LURAP1L: variants seen among roughly 807,000 people sequenced by gnomAD.
LURAP1L encodes the protein leucine rich adaptor protein 1-like.
Under a neutral mutation model 13.8 loss-of-function variants are expected in LURAP1L, and 12 were observed. The observed-to-expected ratio is 0.87, with a 90% confidence interval of 0.56 to 1.41. The LOEUF (loss-of-function observed/expected upper bound fraction) is 1.41, where lower values mean the gene tolerates loss of function less well. LURAP1L is among the 40% of genes most tolerant of loss of function. The probability of loss-of-function intolerance (pLI) is 0.00; values close to 1 mark genes in which losing one functional copy is unlikely to be tolerated. For missense variants in LURAP1L, 375 were observed against 292.9 expected (o/e 1.28, Z -2.04); for synonymous variants, 139 against 119.2 (o/e 1.17, Z -1.08).
chr9:12,813,912 G>A (rs529398613), intron 1 of LURAP1L, among the ~76,000 whole-genome samples: 37 of 152,206 alleles, frequency 2.4e-4, no homozygotes, highest in East Asian at 5.8e-4. Flanking sequence ...TTTGAACTGC[G>A]TCCATAGTTT....
intron 1 of LURAP1L, among the ~76,000 whole-genome samples, chr9:12,818,611 A>G (rs558509092): frequency 6.6e-6 from 1 of 152,330 alleles, no homozygotes; most frequent in African/African-American, 2.4e-5. Flanking sequence ...GGTAGTGGTG[A>G]AGCAGGCCAG....
At position 12,785,547 on chromosome 9, in the gene LURAP1L, C is replaced by A. The variant is rs190212763; in HGVS notation, c.312+9520C>A. ...TCAGAACTCAAATTCTGACTTCTGG[C>A]ATAGAAAATTCCCCTCTAGCTAGGT... On this transcript the variant is annotated intron_variant, in intron 1 of 1. Transcript: ENST00000319264. Among the ~76,000 whole-genome samples, 14 of 152,294 alleles carry A rather than the reference C, an allele frequency of 9.2e-5. 2 individuals carry two copies. The highest frequency in any genetic ancestry group is 3.4e-4 in the African/African-American group (14 of 41,574).
chr9:12,787,474 A>G (rs372772888), intron 1 of LURAP1L, among the ~76,000 whole-genome samples: 9 of 152,168 alleles, frequency 5.9e-5, no homozygotes, highest in East Asian at 3.9e-4. Context: ...TGATGAGGCA[A>G]AAAGACAGAG....
chr9:12,785,702 G>T (rs1000655835), intron 1 of LURAP1L, among the ~76,000 whole-genome samples: 5 of 152,158 alleles, frequency 3.3e-5, no homozygotes, highest in Non-Finnish European at 7.3e-5. Flanking sequence ...CAAGCACACA[G>T]ATATTCTTCT....
intron 1 of LURAP1L, among the ~76,000 whole-genome samples, chr9:12,789,780 G>C (rs563833408): frequency 6.6e-6 from 1 of 152,252 alleles, no homozygotes; most frequent in South Asian, 2.1e-4. Context: ...GACTCAGATA[G>C]ATGTTCATAT....
chr9:12,788,185 AAGAAAG>A (rs1586877133), intron 1 of LURAP1L, among the ~76,000 whole-genome samples: 1 of 147,912 alleles, frequency 6.8e-6, no homozygotes, highest in East Asian at 2.3e-4. Context: ...GAAAGAAAGA[AAGAAAG>A]AAAAGAAAAG....
chr9:12,807,139 C>T (rs544171856), intron 1 of LURAP1L, among the ~76,000 whole-genome samples: 12 of 133,640 alleles, frequency 9.0e-5, no homozygotes, highest in South Asian at 6.9e-4. Flanking sequence ...TGGTGGCAGG[C>T]GCCTGTAGTC....
chr9:12,795,141 C>T (rs777961566), intron 1 of LURAP1L, among the ~76,000 whole-genome samples: 3 of 151,942 alleles, frequency 2.0e-5, no homozygotes, highest in Non-Finnish European at 4.4e-5. Context: ...CTCAGACTTG[C>T]CCTGTGCATT....
chr9:12,811,215 A>C (rs949113444), intron 1 of LURAP1L, among the ~76,000 whole-genome samples: 1 of 152,188 alleles, frequency 6.6e-6, no homozygotes, highest in African/African-American at 2.4e-5. Flanking sequence ...TAAAGTTGTC[A>C]ATATTGAAAA....
At chr9:12,798,380 A>G (rs1452435755) in intron 1 of LURAP1L, among the ~76,000 whole-genome samples, 1 of 152,226 alleles carries the variant, frequency 6.6e-6, no homozygotes, top group Non-Finnish European at 1.5e-5. Flanking sequence ...ACACTATGAC[A>G]TGAAACATAC....
At position 12,775,948 on chromosome 9, in the gene LURAP1L, C is replaced by T; in HGVS notation, c.233C>T (p.Thr78Ile). Reference protein sequence around the residue: ...SLSSSSSSSPTSGSPRGSHSS... With the variant: ...SLSSSSSSSPISGSPRGSHSS... Reference sequence around the variant, plus strand: ...TCGTCCTCCTCTTCGTCCTCCCCAACCTCTGGCTCCCCACGAGGTAGCCAC... The same window carrying T: ...TCGTCCTCCTCTTCGTCCTCCCCAATCTCTGGCTCCCCACGAGGTAGCCAC... Residue 78 changes from threonine (T) to isoleucine (I), a missense_variant, in exon 1 of 2, where the codon ACC becomes ATC. Transcript: ENST00000319264. 6.3e-7 allele frequency: 1 copy of T among 1,588,540 alleles called. No homozygotes were observed. The highest frequency in any genetic ancestry group is 1.3e-5 in the African/African-American group (1 of 74,330).
intron 1 of LURAP1L, 22 bp downstream of exon 1, chr9:12,776,049 C>T (rs750127973): frequency 1.9e-5 from 30 of 1,611,466 alleles, no homozygotes; most frequent in Non-Finnish European, 2.5e-5. Context: ...GCGCCAGCCG[C>T]GGGGGCTGGG....
At chr9:12,811,341 C>T (rs1441573846) in intron 1 of LURAP1L, among the ~76,000 whole-genome samples, 1 of 152,110 alleles carries the variant, frequency 6.6e-6, no homozygotes, top group Non-Finnish European at 1.5e-5. Flanking sequence ...ACTTTCATGA[C>T]CCTCAGGTTA....
intron 1 of LURAP1L, among the ~76,000 whole-genome samples, chr9:12,806,068 T>G (rs549867703): frequency 6.6e-6 from 1 of 152,356 alleles, no homozygotes; most frequent in South Asian, 2.1e-4. Context: ...TCTGCTTAAC[T>G]AGCTCTAGCA....
chr9:12,821,999 T>A lies in LURAP1L; in HGVS notation c.*239T>A, dbSNP rs141169418. The A allele has an allele frequency of 1.9e-3, 791 of 418,194 alleles. 11 individuals carry two copies. The East Asian group carries it at 0.027, about 14-fold the overall frequency. 25.9% of individuals were successfully genotyped at this position (418,194 alleles called of 1,614,324 possible). On this transcript the variant is annotated 3_prime_UTR_variant, in exon 2 of 2. Transcript: ENST00000319264. ...AATGATTTTCTCCCTTCTTTTACAG[T>A]AGCACAAACAAAGTAGGGGGAAAAG...
chr9:12,775,681 C>G lies in LURAP1L; in HGVS notation c.-35C>G. 1 of 1,530,958 alleles carries G rather than the reference C, an allele frequency of 6.5e-7. No individual in the cohort carries two copies. The highest frequency in any genetic ancestry group is 1.3e-5 in the South Asian group (1 of 77,402). The allele number at this position is 1,530,958 out of a possible 1,614,324, so 94.8% of individuals were successfully genotyped here. ...AGCCGTGGCTGCCTTTCATCTGCTG[C>G]GTTTTATTACTATTATCGCCGTTCC... On this transcript the variant is annotated 5_prime_UTR_variant, in exon 1 of 2. Coordinates refer to ENST00000319264, the MANE Select transcript of LURAP1L (RefSeq NM_203403.2).
chr9:12,775,874 C>T lies in LURAP1L; in HGVS notation c.159C>T (p.Gly53=). The change falls in exon 1 of 2, where the codon GGC becomes GGT. Residue 53 remains glycine, a synonymous_variant. Coordinates refer to ENST00000319264, the MANE Select transcript of LURAP1L (RefSeq NM_203403.2). The part of the protein sequence containing the change: ...CGGSGGGGGG[G]GGCSSSSSYC... The stretch of plus-strand genomic sequence containing the variant: ...GGAGCGGTGGTGGTGGCGGCGGCGG[C>T]GGCGGCTGCAGTAGCAGCAGCAGCT... 3 of 1,579,222 alleles carry T rather than the reference C, an allele frequency of 1.9e-6. No homozygotes were observed. Among genetic ancestry groups the T allele is most frequent in the South Asian group, 2.3e-5 (2 of 88,454 alleles).
At chr9:12,817,402 A>G (rs1352999043) in intron 1 of LURAP1L, among the ~76,000 whole-genome samples, 1 of 152,210 alleles carries the variant, frequency 6.6e-6, no homozygotes, top group Non-Finnish European at 1.5e-5. Flanking sequence ...TCAAGACCCA[A>G]GCACTCTGTG....
At chr9:12,795,283 A>G (rs942803462) in intron 1 of LURAP1L, among the ~76,000 whole-genome samples, 6 of 151,984 alleles carry the variant, frequency 3.9e-5, no homozygotes, top group Admixed American at 2.0e-4. Flanking sequence ...ATTATTGTAT[A>G]TATCTTAGTA....
Sources: gnomAD v4.1 joint callset for allele counts (sites outside exome capture counted in the v4.1 genomes callset) on GRCh38, gnomAD v4.1.1 for gene constraint, MANE v1.5 for transcripts, NCBI Gene and HGNC (gene_info 2026-07-23, HGNC 2026-07-21) for gene names.